Variants in BEST4 observed in about 807,000 individuals in gnomAD.
BEST4 encodes bestrophin 4, also known as bestrophin-4.
In BEST4, 36 loss-of-function variants were observed where a neutral mutation model predicts 47.1. The observed-to-expected ratio is 0.76, with a 90% CI of 0.59 to 1.01. The LOEUF is 1.01. Among genes scored for constraint, BEST4 ranks in the 50% least tolerant of loss-of-function variants. BEST4 has a pLI of 0.00. For missense variants in BEST4, 550 were observed against 648.6 expected (o/e 0.85, Z 1.65); for synonymous variants, 250 against 277.8 (o/e 0.90, Z 1.00).
In BEST4 at chr1:44,786,517, C is replaced by A; in HGVS notation, c.427G>T (p.Val143Phe). 6.5e-7 allele frequency: 1 copy of A among 1,548,364 alleles called. No homozygotes were observed. Among genetic ancestry groups the A allele is most frequent in the South Asian group, 1.2e-5 (1 of 84,426 alleles). The change falls in exon 3 of 9, where the codon GTC becomes TTC. Residue 143 changes from valine to phenylalanine, a missense_variant. Physicochemically the swap from Val to Phe is conservative, Grantham distance 50. This residue lies in a region of BEST4 where 291 missense variants were observed against 342.4 expected (regional missense o/e 0.85). Coordinates refer to ENST00000372207, the MANE Select transcript of BEST4 (RefSeq NM_153274.3). The surrounding 1 kb of genome is among the most constrained non-coding windows in gnomAD (Gnocchi z 4.9). ...NLASVLVLRS[V>F]STRVLKRFPT... The stretch of plus-strand genomic sequence containing the variant: ...AAGCGCTTAAGCACGCGGGTGCTGA[C>A]CGAGCGCAGCACCAGCACGGACGCC...
At position 44,787,419 on chromosome 1, in the gene BEST4, C is replaced by T. The variant is rs138395354; in HGVS notation, c.200G>A (p.Arg67Gln). ...GAGGTCTGCTGAGCGGTTGCAGTAC[C>T]GGGCCACCTGAGCATACACGTACCT... The part of the protein sequence containing the change: ...EQRYVYAQVA[R>Q]YCNRSADLIP... Residue 67 changes from arginine to glutamine, a missense_variant, in exon 2 of 9, where the codon CGG becomes CAG. Arg to Gln is a conservative substitution (Grantham distance 43, BLOSUM62 1). This residue lies in a region of BEST4 where 291 missense variants were observed against 342.4 expected (regional missense o/e 0.85). Coordinates refer to ENST00000372207, the MANE Select transcript of BEST4 (RefSeq NM_153274.3). 7.2e-4 allele frequency: 1,166 copies of T among 1,614,070 alleles called. 10 individuals carry two copies. The highest frequency in any genetic ancestry group is 1.6e-3 in the South Asian group (144 of 91,084).
chr1:44,784,004 C>G lies in BEST4; in HGVS notation c.*206G>C, dbSNP rs1651117755. On this transcript the variant is annotated 3_prime_UTR_variant, in exon 9 of 9. Transcript: ENST00000372207. The surrounding 1 kb of genome is among the most constrained non-coding windows in gnomAD (Gnocchi z 6.2). ...TTCTAGCTTCACGTCCCCCAAGCAA[C>G]CGACCTTCTCTCCCACCAAAGTGGA... 1 of 479,044 alleles carries G rather than the reference C, an allele frequency of 2.1e-6. No homozygotes were observed. The allele number at this position is 479,044 out of a possible 1,614,324, so 29.7% of individuals were successfully genotyped here.
At chr1:44,792,465 GA>G (rs144490326), upstream of BEST4, among the ~76,000 whole-genome samples, 539 of 151,786 alleles carry the variant, frequency 3.6e-3, 19 homozygotes, top group East Asian at 0.08. Context: ...GGAACACGGG[GA>G]TGATAATGCC....
At chr1:44,782,722 A>ATTAGAATC (rs1318092981), downstream of BEST4, among the ~76,000 whole-genome samples, 311 of 152,310 alleles carry the variant, frequency 2.0e-3, no homozygotes, top group African/African-American at 6.8e-3. Flanking sequence ...CAAAGCCAGC[A>ATTAGAATC]TTAGAATCCA....
At position 44,787,589 on chromosome 1, in the gene BEST4, A is replaced by G. The variant is rs762304386; in HGVS notation, c.117T>C (p.Phe39=). ...YKLLYKEFLL[F]GALYAVLSIT... ...TGCTAAGCACAGCGTACAAGGCCCCAAAGAGGAGGAATTCCTTGTAGAGGA... is the reference window on the plus strand; with the variant it reads ...TGCTAAGCACAGCGTACAAGGCCCCGAAGAGGAGGAATTCCTTGTAGAGGA... Residue 39 remains phenylalanine, a synonymous_variant, in exon 1 of 9, where the codon TTT becomes TTC. Transcript: ENST00000372207. The G allele has an allele frequency of 3.1e-6, 5 of 1,614,194 alleles. No homozygotes were observed. The Admixed American group carries it at 8.3e-5, about 27-fold the overall frequency.
At chr1:44,785,453 T>TG in intron 5 of BEST4, 146 bp downstream of exon 5, 1 of 1,152,758 alleles carries the variant, frequency 8.7e-7, no homozygotes, top group South Asian at 1.5e-5. Flanking sequence ...GTCACCTTGT[T>TG]GGGGGTGGTG....
Position 44,786,358 on chromosome 1 carries a change from C to T in BEST4, c.481+105G>A. The T allele has an allele frequency of 7.0e-7, 1 of 1,436,688 alleles. No homozygotes were observed. Among genetic ancestry groups the T allele is most frequent in the Non-Finnish European group, 9.3e-7 (1 of 1,074,390 alleles). The allele number at this position is 1,436,688 out of a possible 1,614,324, so 89.0% of individuals were successfully genotyped here. ...GACTCGCGGTTCCGCGTTCCTGTCG[C>T]AGTCCAGACCCTTCCCTGGAGGCCC... On this transcript the variant is annotated intron_variant, in intron 3 of 8. Coordinates refer to ENST00000372207, the MANE Select transcript of BEST4 (RefSeq NM_153274.3). The surrounding 1 kb of genome is among the most constrained non-coding windows in gnomAD (Gnocchi z 4.9).
In BEST4 at chr1:44,786,595, C is replaced by T. The variant is rs770329575; in HGVS notation, c.349G>A (p.Val117Met). The change falls in exon 3 of 9, where the codon GTG becomes ATG. Residue 117 changes from valine to methionine, a missense_variant. Coordinates refer to ENST00000372207, the MANE Select transcript of BEST4 (RefSeq NM_153274.3). This position sits in a 1 kb window ranked among gnomAD's most constrained non-coding sequence, Gnocchi z 4.9. ...CGCAGCAGGCGGCCCCGCTGGTCCA[C>T]GCCGTGCACGCTAGCCGAGATGACG... The part of the protein sequence containing the change: ...MCVISASVHG[V>M]DQRGRLLRRT... 34 of 1,550,832 alleles carry T rather than the reference C, an allele frequency of 2.2e-5. No homozygotes were observed. Among genetic ancestry groups the T allele is most frequent in the Non-Finnish European group, 2.5e-5 (29 of 1,147,018 alleles).
chr1:44,783,960 T>C lies in BEST4; in HGVS notation c.*250A>G, dbSNP rs1192718873. The stretch of plus-strand genomic sequence containing the variant: ...CGTGCACCTGGGCTCTAGTCCTCTA[T>C]GCCTGGGCTCATTTATTTTTCTAGC... On this transcript the variant is annotated 3_prime_UTR_variant, in exon 9 of 9. Transcript: ENST00000372207. 5 of 416,736 alleles carry C rather than the reference T, an allele frequency of 1.2e-5. No homozygotes were observed. Among genetic ancestry groups the C allele is most frequent in the Middle Eastern group, 6.1e-4 (1 of 1,628 alleles). The allele number at this position is 416,736 out of a possible 1,614,324, so 25.8% of individuals were successfully genotyped here. A position where few individuals can be genotyped will look rare whatever the true frequency, so the allele number is the denominator to read the frequency against.
At position 44,785,303 on chromosome 1, in the gene BEST4, C is replaced by G; in HGVS notation, c.717G>C (p.Val239=). 1 of 1,586,568 alleles carries G rather than the reference C, an allele frequency of 6.3e-7. No individual in the cohort carries two copies. The highest frequency in any genetic ancestry group is 8.6e-7 in the Non-Finnish European group (1 of 1,165,362). Residue 239 remains valine, a splice_region_variant and synonymous_variant, in exon 6 of 9, where the codon GTG becomes GTC. Coordinates refer to ENST00000372207, the MANE Select transcript of BEST4 (RefSeq NM_153274.3). ...WISIPLVYTQ[V]VTIAVYSFFA... ...AGAAAGAGTAGACGGCTATGGTCAC[C>G]ACCTGGAGAATGAAGAGCCAGGCTC...
At chr1:44,782,862 G>T (rs191742347), downstream of BEST4, among the ~76,000 whole-genome samples, 2 of 152,054 alleles carry the variant, frequency 1.3e-5, no homozygotes, top group Admixed American at 1.3e-4. Flanking sequence ...GATTTCTTTA[G>T]GTGAAGACTG....
chr1:44,785,710 G>A, intron 4 of BEST4, 34 bp from the exon 5 acceptor site: 4 of 1,533,800 alleles, frequency 2.6e-6, no homozygotes, highest in Non-Finnish European at 1.8e-6. Flanking sequence ...AGTCAGCAGA[G>A]GTGAGGAAGG....
At position 44,783,928 on chromosome 1, in the gene BEST4, A is replaced by G. The variant is rs539514969; in HGVS notation, c.*282T>C. ...ATGGCCTAGCTCCCTGTTGCTGTGA[A>G]GCTAACCGTGCACCTGGGCTCTAGT... On this transcript the variant is annotated 3_prime_UTR_variant, in exon 9 of 9. Coordinates refer to ENST00000372207, the MANE Select transcript of BEST4 (RefSeq NM_153274.3). 5 of 340,006 alleles carry G rather than the reference A, an allele frequency of 1.5e-5. No homozygotes were observed. The highest frequency in any genetic ancestry group is 2.1e-5 in the African/African-American group (1 of 47,150). The allele number at this position is 340,006 out of a possible 1,614,324, so 21.1% of individuals were successfully genotyped here. A position where few individuals can be genotyped will look rare whatever the true frequency, so the allele number is the denominator to read the frequency against.
Position 44,784,634 on chromosome 1 carries a change from G to A in BEST4, c.1143C>T (p.Asn381=), listed in dbSNP as rs761357873. The part of the protein sequence containing the change: ...LRPSFLGSTF[N]LRMSDDPEQS... ...GCCCAGTGCAAGCCACTCACCGCAG[G>A]TTGAAGGTGGAGCCCAGGAATGAGG... Residue 381 remains asparagine, a synonymous_variant, in exon 8 of 9, where the codon AAC becomes AAT. Transcript: ENST00000372207. This position sits in a 1 kb window ranked among gnomAD's most constrained non-coding sequence, Gnocchi z 6.2. The A allele has an allele frequency of 6.8e-6, 11 of 1,613,130 alleles. No homozygotes were observed. Among genetic ancestry groups the A allele is most frequent in the Admixed American group, 1.7e-5 (1 of 59,938 alleles).
At position 44,787,555 on chromosome 1, in the gene BEST4, G is replaced by T. The variant is rs75504010; in HGVS notation, c.151C>A (p.Arg51=). 25 of 1,614,156 alleles carry T rather than the reference G, an allele frequency of 1.5e-5. No homozygotes were observed. Among genetic ancestry groups the T allele is most frequent in the Non-Finnish European group, 1.9e-5 (22 of 1,180,010 alleles). ...CCAGCTCTAAGACCCTGCCCTTACC[G>T]GTAGGTGATGCTAAGCACAGCGTAC... ...ALYAVLSITY[R]LLLTQEQRYV... Residue 51 remains arginine, a splice_region_variant and synonymous_variant, in exon 1 of 9, where the codon CGG becomes AGG. Coordinates refer to ENST00000372207, the MANE Select transcript of BEST4 (RefSeq NM_153274.3).
In BEST4 at chr1:44,784,071, C is replaced by A; in HGVS notation, c.*139G>T. On this transcript the variant is annotated 3_prime_UTR_variant, in exon 9 of 9. Coordinates refer to ENST00000372207, the MANE Select transcript of BEST4 (RefSeq NM_153274.3). This position sits in a 1 kb window ranked among gnomAD's most constrained non-coding sequence, Gnocchi z 6.2. Reference sequence around the variant, plus strand: ...GCTCAGGCCCTTTTCGCCATCTTCTCTTTCAAGTTCTGTCCCTAAATGCTC... The same window carrying A: ...GCTCAGGCCCTTTTCGCCATCTTCTATTTCAAGTTCTGTCCCTAAATGCTC... The A allele has an allele frequency of 1.1e-6, 1 of 873,548 alleles. No homozygotes were observed. The highest frequency in any genetic ancestry group is 1.6e-6 in the Non-Finnish European group (1 of 637,434). The allele number at this position is 873,548 out of a possible 1,614,324, so 54.1% of individuals were successfully genotyped here. A position where few individuals can be genotyped will look rare whatever the true frequency, so the allele number is the denominator to read the frequency against.
upstream of BEST4, among the ~76,000 whole-genome samples, chr1:44,791,369 G>A (rs1651407643): frequency 1.3e-5 from 2 of 152,058 alleles, no homozygotes; most frequent in South Asian, 4.1e-4. Context: ...TAGAGCATCT[G>A]GGCTGCTTAC....
At chr1:44,789,640 G>C (rs1227470279), upstream of BEST4, among the ~76,000 whole-genome samples, 2 of 152,158 alleles carry the variant, frequency 1.3e-5, no homozygotes, top group Non-Finnish European at 2.9e-5. Flanking sequence ...GGAGATTGCG[G>C]TGAGCCGAGA....
rs775922281 is a variant in BEST4 at position 44,787,595 on chromosome 1, G to A, written c.111C>T (p.Leu37=). The change falls in exon 1 of 9, where the codon CTC becomes CTT. Residue 37 remains leucine (L), a synonymous_variant. Coordinates refer to ENST00000372207, the MANE Select transcript of BEST4 (RefSeq NM_153274.3). ...GCACAGCGTACAAGGCCCCAAAGAG[G>A]AGGAATTCCTTGTAGAGGAGCTTGT... is the stretch of plus-strand genomic sequence containing the variant. ...SIYKLLYKEF[L]LFGALYAVLS... 6.2e-7 allele frequency: 1 copy of A among 1,614,198 alleles called. No individual in the cohort carries two copies. The highest frequency in any genetic ancestry group is 1.1e-5 in the South Asian group (1 of 91,090).
Sources: allele counts gnomAD v4.1 joint callset (sites outside exome capture counted in the v4.1 genomes callset), GRCh38; gene constraint gnomAD v4.1.1; regional missense constraint gnomAD v4.1.1; non-coding constraint Gnocchi (gnomAD v3.1); transcripts MANE v1.5; gene names NCBI Gene and HGNC (gene_info 2026-07-23, HGNC 2026-07-21).